Variants in TPD52 observed in about 807,000 individuals in gnomAD.
TPD52 encodes the protein tumor protein D52, also known as prostate and colon associated protein.
TPD52 carries 17 observed loss-of-function variants against 31.3 expected under a neutral mutation model. The ratio of observed to expected loss-of-function variants is 0.54; its 90% CI spans 0.37 to 0.82. The LOEUF is 0.82. Among genes scored for constraint, TPD52 ranks in the 40% least tolerant of loss-of-function variants. TPD52 has a pLI of 0.00. For missense variants in TPD52, 212 were observed against 240.1 expected, an observed-to-expected ratio of 0.88 and a Z score of 0.77; for synonymous variants, 83 against 89.6, an observed-to-expected ratio of 0.93 and a Z score of 0.42.
chr8:80,114,640 T>C (rs1807734688), intron 1 of TPD52, among the ~76,000 whole-genome samples: 2 of 152,218 alleles, frequency 1.3e-5, no homozygotes. Context: ...CTTTCCATCC[T>C]TAATTTTTCC....
At chr8:80,079,171 G>T (rs1758058309) in intron 1 of TPD52, among the ~76,000 whole-genome samples, 1 of 152,178 alleles carries the variant, frequency 6.6e-6, no homozygotes, top group Admixed American at 6.5e-5. Flanking sequence ...GCTGGGCAAA[G>T]GGGGAGCCCA....
chr8:80,034,358 A>C (rs1299198858), downstream of TPD52, among the ~76,000 whole-genome samples: 1 of 151,870 alleles, frequency 6.6e-6, no homozygotes, highest in Non-Finnish European at 1.5e-5. Context: ...CAACATGGTA[A>C]GGCAGGGTTC....
Position 80,147,837 on chromosome 8 carries a change from C to T in TPD52, c.19+23588G>A, listed in dbSNP as rs367783593. ...ACACACACATACATACACACACACA[C>T]GCACACACACACACACACCCCCCAC... is the stretch of plus-strand genomic sequence containing the variant. On this transcript the variant is annotated intron_variant, in intron 1 of 7. Coordinates refer to ENST00000518937, the MANE Select transcript of TPD52 (RefSeq NM_001025253.3). Among the ~76,000 whole-genome samples, 233 of 151,790 alleles carry T rather than the reference C, an allele frequency of 1.5e-3. 1 individual carries two copies. Among genetic ancestry groups the T allele is most frequent in the African/African-American group, 5.1e-3 (211 of 41,258 alleles).
Position 80,171,495 on chromosome 8 carries a change from T to C in TPD52, c.-52A>G. 1 of 1,531,770 alleles carries C rather than the reference T, an allele frequency of 6.5e-7. No homozygotes were observed. The highest frequency in any genetic ancestry group is 8.7e-7 in the Non-Finnish European group (1 of 1,152,730). 94.9% of individuals were successfully genotyped at this position (1,531,770 alleles called of 1,614,324 possible). On this transcript the variant is annotated 5_prime_UTR_variant, in exon 1 of 8. Transcript: ENST00000518937. ...CTGCAGCACCCCCGCCTGCAGCCCG[T>C]CCCGGCTCGGATCGCCCGCCGCGCC...
intron 1 of TPD52, among the ~76,000 whole-genome samples, chr8:80,073,852 T>C (rs1190007026): frequency 6.6e-6 from 1 of 152,174 alleles, no homozygotes; most frequent in Admixed American, 6.5e-5. Context: ...TGTCCAAAGA[T>C]TGTCACTTTT....
At chr8:80,058,424 A>G (rs1046103285) in intron 2 of TPD52, among the ~76,000 whole-genome samples, 1 of 152,276 alleles carries the variant, frequency 6.6e-6, no homozygotes, top group African/African-American at 2.4e-5. Context: ...AGGTTGCACA[A>G]GAGTATATTG....
intron 2 of TPD52, among the ~76,000 whole-genome samples, chr8:80,062,400 G>A (rs1812643470): frequency 6.6e-6 from 1 of 152,070 alleles, no homozygotes; most frequent in Non-Finnish European, 1.5e-5. Context: ...AATGGATCAA[G>A]GGCTTAAATC....
At chr8:80,075,579 C>A (rs1563602706) in intron 1 of TPD52, among the ~76,000 whole-genome samples, 1 of 152,176 alleles carries the variant, frequency 6.6e-6, no homozygotes, top group Non-Finnish European at 1.5e-5. Flanking sequence ...AAATCTCTTT[C>A]ATTTTTTTTT....
chr8:80,123,534 T>C (rs1369072028), intron 1 of TPD52, among the ~76,000 whole-genome samples: 2 of 152,196 alleles, frequency 1.3e-5, no homozygotes, highest in Non-Finnish European at 2.9e-5. Context: ...GAGACAAGCC[T>C]GGCAACACAG....
At chr8:80,138,093 G>A (rs975155508) in intron 1 of TPD52, among the ~76,000 whole-genome samples, 4 of 152,006 alleles carry the variant, frequency 2.6e-5, no homozygotes, top group African/African-American at 9.7e-5. Context: ...ACAGACATGC[G>A]CCACCACGCC....
intron 1 of TPD52, among the ~76,000 whole-genome samples, chr8:80,110,225 A>C (rs936100678): frequency 6.6e-6 from 1 of 152,162 alleles, no homozygotes; most frequent in Admixed American, 6.5e-5. Flanking sequence ...CTAAGAAGCT[A>C]AGTCTCTCAG....
chr8:80,097,082 C>A (rs552437574), intron 1 of TPD52, among the ~76,000 whole-genome samples: 1 of 152,240 alleles, frequency 6.6e-6, no homozygotes, highest in South Asian at 2.1e-4. Context: ...AGGGCAAAAA[C>A]AGCCTTATTG....
At chr8:80,100,806 C>G (rs149689865) in intron 1 of TPD52, among the ~76,000 whole-genome samples, 3 of 152,204 alleles carry the variant, frequency 2.0e-5, no homozygotes, top group African/African-American at 7.2e-5. Flanking sequence ...TCTTTCCCAG[C>G]CATTTTGTTC....
chr8:80,143,558 A>G (rs763370402), intron 1 of TPD52, among the ~76,000 whole-genome samples: 2 of 152,162 alleles, frequency 1.3e-5, no homozygotes, highest in African/African-American at 4.8e-5. Context: ...TAGCTAACTC[A>G]TATGCTAGCA....
chr8:80,136,250 C>T (rs140743714), intron 1 of TPD52, among the ~76,000 whole-genome samples: 3,153 of 142,018 alleles, frequency 0.022, 111 homozygotes, highest in African/African-American at 0.076. Flanking sequence ...AATGGCCGGG[C>T]GCGGTGGCTC....
intron 2 of TPD52, among the ~76,000 whole-genome samples, chr8:80,059,436 G>C (rs1328124255): frequency 1.4e-5 from 2 of 138,256 alleles, no homozygotes; most frequent in African/African-American, 5.2e-5. Context: ...AGAGAAGGAA[G>C]GGAATAAGGA....
intron 1 of TPD52, among the ~76,000 whole-genome samples, chr8:80,133,464 A>G (rs1267518841): frequency 6.6e-6 from 1 of 152,160 alleles, no homozygotes; most frequent in East Asian, 1.9e-4. Context: ...CTCCAAAACC[A>G]GATATTCTTT....
chr8:80,075,940 A>C (rs1414453333), intron 1 of TPD52, among the ~76,000 whole-genome samples: 1 of 152,252 alleles, frequency 6.6e-6, no homozygotes, highest in African/African-American at 2.4e-5. Flanking sequence ...AAAATCAAAA[A>C]GGGTAAAACA....
At chr8:80,070,757 T>C (rs999810487) in intron 1 of TPD52, among the ~76,000 whole-genome samples, 3 of 152,142 alleles carry the variant, frequency 2.0e-5, no homozygotes, top group Non-Finnish European at 2.9e-5. Context: ...TTTACAAGAA[T>C]AGGAAAAGAC....
Sources: allele counts gnomAD v4.1 joint callset (sites outside exome capture counted in the v4.1 genomes callset), GRCh38; gene constraint gnomAD v4.1.1; transcripts MANE v1.5; gene names NCBI Gene and HGNC (gene_info 2026-07-23, HGNC 2026-07-21).